CDK13: variants seen among roughly 807,000 people sequenced by gnomAD.
The protein encoded by CDK13 is cyclin dependent kinase 13.
A neutral mutation model predicts 137.6 loss-of-function variants in CDK13; 40 were observed. That is an observed-to-expected ratio of 0.29 (90% CI 0.23 to 0.38). The LOEUF (loss-of-function observed/expected upper bound fraction) is 0.38. Ranked by LOEUF, CDK13 falls within the 10% of genes least tolerant of loss-of-function variation. CDK13 has a pLI of 1.00. For missense variants in CDK13, 1,704 were observed against 1,951.8 expected, an observed-to-expected ratio of 0.87 and a Z score of 2.39; for synonymous variants, 869 against 760.1, an observed-to-expected ratio of 1.14 and a Z score of -2.36.
intron 5 of CDK13, among the ~76,000 whole-genome samples, chr7:40,025,661 A>AT (rs894710846): frequency 6.6e-5 from 10 of 152,158 alleles, no homozygotes; most frequent in African/African-American, 1.9e-4. Context: ...TTTAAAACAC[A>AT]TTTTTATAAA....
chr7:40,092,742 C>A (rs1786953122), intron 12 of CDK13, 43 bp from the exon 13 acceptor site: 1 of 1,451,000 alleles, frequency 6.9e-7, no homozygotes. Flanking sequence ...GTGGGAGGAG[C>A]TGTGAATTAT....
intron 5 of CDK13, among the ~76,000 whole-genome samples, chr7:40,021,120 T>TACACACAC (rs1456910118): frequency 3.7e-5 from 4 of 108,028 alleles, no homozygotes; most frequent in African/African-American, 1.1e-4. Context: ...TATATATATA[T>TACACACAC]ATACACACAC....
intron 3 of CDK13, 46 bp downstream of exon 3, chr7:39,997,710 T>C (rs767237656): frequency 2.1e-6 from 3 of 1,437,090 alleles, no homozygotes; most frequent in Admixed American, 2.0e-5. Flanking sequence ...CAGCAGTGAT[T>C]CTGGGTCATC....
intron 1 of CDK13, among the ~76,000 whole-genome samples, chr7:39,962,206 T>C (rs145619641): frequency 0.022 from 3,382 of 152,302 alleles, 114 homozygotes; most frequent in African/African-American, 0.078. Context: ...CCTGAGGATT[T>C]GCCACAGTGA....
intron 5 of CDK13, among the ~76,000 whole-genome samples, chr7:40,007,577 C>T (rs2116351270): frequency 6.6e-6 from 1 of 152,214 alleles, no homozygotes; most frequent in African/African-American, 2.4e-5. Context: ...AGATGTCCGC[C>T]ACCACACCCA....
chr7:39,951,697 T>G lies in CDK13; in HGVS notation c.1056T>G (p.Ser352=). 1 of 1,463,298 alleles carries G rather than the reference T, an allele frequency of 6.8e-7. No homozygotes were observed. The highest frequency in any genetic ancestry group is 1.4e-5 in the South Asian group (1 of 71,220). The allele number at this position is 1,463,298 out of a possible 1,614,324, so 90.6% of individuals were successfully genotyped here. The change falls in exon 1 of 14, where the codon TCT becomes TCG. Residue 352 remains serine (S), a synonymous_variant. Coordinates refer to ENST00000181839, the MANE Select transcript of CDK13 (RefSeq NM_003718.5). ...SPAGGGSSPY[S]RRLPRSPSPY... is the part of the protein sequence containing the mutation. The stretch of plus-strand genomic sequence containing the variant: ...CAGGAGGTGGCAGCAGCCCCTATTC[T>G]CGGCGGCTGCCGCGCTCCCCGAGCC...
chr7:39,980,948 A>G (rs997440477), intron 1 of CDK13, among the ~76,000 whole-genome samples: 17 of 152,222 alleles, frequency 1.1e-4, no homozygotes, highest in African/African-American at 4.1e-4. Flanking sequence ...TATTTGGGAA[A>G]ACCTGTTAGA....
chr7:39,967,778 A>G lies in CDK13; in HGVS notation c.1211+15926A>G, dbSNP rs569450195. On this transcript the variant is annotated intron_variant, in intron 1 of 13. Transcript: ENST00000181839. ...ATCTTTCATTTTTTTGATGCTAGCC[A>G]TTCTAACAGGTGGGAGGTGGTATCT... Among the ~76,000 whole-genome samples, 3 of 152,262 alleles carry G rather than the reference A, an allele frequency of 2.0e-5. No individual in the cohort carries two copies. In the South Asian group the frequency reaches 6.2e-4, roughly 32 times the overall value.
At chr7:40,058,607 A>G (rs1223166835) in intron 7 of CDK13, among the ~76,000 whole-genome samples, 1 of 152,090 alleles carries the variant, frequency 6.6e-6, no homozygotes, top group Non-Finnish European at 1.5e-5. Flanking sequence ...GATGGAAGCC[A>G]GGAAACCAGT....
chr7:39,997,750 T>A, intron 3 of CDK13, 86 bp downstream of exon 3: 1 of 994,792 alleles, frequency 1.0e-6, no homozygotes, highest in Non-Finnish European at 1.5e-6. Context: ...AATTAAGGTT[T>A]AAAATAAAAA....
At chr7:40,056,940 A>T (rs1475181829) in intron 7 of CDK13, among the ~76,000 whole-genome samples, 1 of 152,218 alleles carries the variant, frequency 6.6e-6, no homozygotes, top group Non-Finnish European at 1.5e-5. Context: ...AGAAGTTTAT[A>T]TATGTATTTC....
intron 5 of CDK13, among the ~76,000 whole-genome samples, chr7:40,034,139 T>C (rs888129302): frequency 1.3e-5 from 2 of 152,334 alleles, no homozygotes; most frequent in Middle Eastern, 3.4e-3. Flanking sequence ...TGGAGGCCTC[T>C]CAGACAGGGT....
intron 1 of CDK13, among the ~76,000 whole-genome samples, chr7:39,954,509 CT>C (rs34424227): frequency 0.27 from 40,589 of 152,096 alleles, 6,537 homozygotes; most frequent in Middle Eastern, 0.45. Flanking sequence ...AGCACTGTAT[CT>C]GGCACAAGTA....
At chr7:39,958,354 T>A (rs1363973227) in intron 1 of CDK13, among the ~76,000 whole-genome samples, 1 of 152,152 alleles carries the variant, frequency 6.6e-6, no homozygotes, top group African/African-American at 2.4e-5. Flanking sequence ...CTGTTACTGC[T>A]CTTTATTATT....
chr7:40,092,060 A>G (rs1440681017), intron 12 of CDK13, among the ~76,000 whole-genome samples: 2 of 152,154 alleles, frequency 1.3e-5, no homozygotes, highest in African/African-American at 4.8e-5. Flanking sequence ...ATATGCATAT[A>G]TTAATAATAA....
intron 9 of CDK13, chr7:40,069,814 G>C (rs1786370520): frequency 6.6e-6 from 1 of 152,324 alleles, no homozygotes; most frequent in Non-Finnish European, 1.5e-5. Flanking sequence ...GGGCACGGTG[G>C]CTCATACCTA....
chr7:40,078,967 A>T (rs911800522), intron 11 of CDK13, 116 bp downstream of exon 11: 15 of 320,104 alleles, frequency 4.7e-5, no homozygotes, highest in Non-Finnish European at 7.2e-5. Flanking sequence ...GAAAAATATA[A>T]TAAAGGAAAG....
At chr7:40,089,541 T>G (rs1167077554) in intron 12 of CDK13, among the ~76,000 whole-genome samples, 4 of 152,084 alleles carry the variant, frequency 2.6e-5, no homozygotes, top group Non-Finnish European at 5.9e-5. Flanking sequence ...TGATGCAAAG[T>G]CTGCCTCTTC....
At chr7:39,959,440 C>T (rs1252348747) in intron 1 of CDK13, among the ~76,000 whole-genome samples, 3 of 151,516 alleles carry the variant, frequency 2.0e-5, no homozygotes, top group Non-Finnish European at 2.9e-5. Context: ...GGATTACAGG[C>T]GTGAGCCACC....
Sources: gnomAD v4.1 joint callset for allele counts (sites outside exome capture counted in the v4.1 genomes callset) on GRCh38, gnomAD v4.1.1 for gene constraint, MANE v1.5 for transcripts, NCBI Gene and HGNC (gene_info 2026-07-23, HGNC 2026-07-21) for gene names.